Variants in GPC6 observed in about 807,000 individuals in gnomAD.
GPC6 encodes the protein glypican-6.
A neutral mutation model predicts 55.2 loss-of-function variants in GPC6; 14 were observed. The ratio of observed to expected loss-of-function variants is 0.25; its 90% CI spans 0.17 to 0.40. GPC6 has a LOEUF of 0.40. Ranked by LOEUF, GPC6 falls within the 10% of genes least tolerant of loss-of-function variation. The probability of loss-of-function intolerance (pLI) is 1.00; values close to 1 mark genes in which losing one functional copy is unlikely to be tolerated. For missense variants in GPC6, 641 were observed against 708.5 expected (o/e 0.90, Z 1.08); for synonymous variants, 278 against 259.6 (o/e 1.07, Z -0.68).
At chr13:93,332,813 C>T (rs184012540) in intron 1 of GPC6, among the ~76,000 whole-genome samples, 84 of 152,082 alleles carry the variant, frequency 5.5e-4, no homozygotes, top group African/African-American at 1.5e-3. Flanking sequence ...TTGTTTGTTT[C>T]GGTAGCTTCA....
chr13:93,967,464 C>A (rs753342432), intron 3 of GPC6, among the ~76,000 whole-genome samples: 1 of 152,146 alleles, frequency 6.6e-6, no homozygotes, highest in Non-Finnish European at 1.5e-5. Context: ...TTCCTACATG[C>A]TCATATTTGC....
chr13:94,373,685 C>T (rs1879696898), intron 6 of GPC6, among the ~76,000 whole-genome samples: 1 of 152,082 alleles, frequency 6.6e-6, no homozygotes, highest in Non-Finnish European at 1.5e-5. Flanking sequence ...CAAGGCAGGC[C>T]AACATTCACA....
At chr13:94,068,945 T>C (rs1371965782) in intron 4 of GPC6, among the ~76,000 whole-genome samples, 1 of 152,186 alleles carries the variant, frequency 6.6e-6, no homozygotes, top group African/African-American at 2.4e-5. Flanking sequence ...GGATCTACCA[T>C]TCTGGGGTCT....
intron 3 of GPC6, among the ~76,000 whole-genome samples, chr13:93,899,074 C>G (rs572819608): frequency 6.6e-6 from 1 of 151,482 alleles, no homozygotes; most frequent in South Asian, 2.1e-4. Flanking sequence ...TAAAAATGTG[C>G]TTTAATGACT....
intron 3 of GPC6, among the ~76,000 whole-genome samples, chr13:94,023,613 T>C (rs1882785931): frequency 6.6e-6 from 1 of 152,062 alleles, no homozygotes; most frequent in Non-Finnish European, 1.5e-5. Flanking sequence ...ATCCAGCAAT[T>C]GCACCCTTGG....
chr13:93,735,728 A>G (rs1418950882), intron 2 of GPC6, among the ~76,000 whole-genome samples: 1 of 152,174 alleles, frequency 6.6e-6, no homozygotes. Context: ...ACCTGTAACA[A>G]GGCTGCCTGA....
chr13:93,324,928 G>A (rs1218122688), intron 1 of GPC6, among the ~76,000 whole-genome samples: 4 of 151,992 alleles, frequency 2.6e-5, no homozygotes, highest in Non-Finnish European at 5.9e-5. Flanking sequence ...GGAATCAAAA[G>A]TGTTTTTTAC....
chr13:94,288,833 TA>T (rs1187231736), intron 5 of GPC6, among the ~76,000 whole-genome samples: 2 of 45,160 alleles, frequency 4.4e-5, no homozygotes, highest in African/African-American at 1.9e-4. Context: ...ATATATTTGT[TA>T]TATATAACAA....
At chr13:93,949,127 C>T (rs1879138278) in intron 3 of GPC6, among the ~76,000 whole-genome samples, 1 of 152,170 alleles carries the variant, frequency 6.6e-6, no homozygotes, top group Non-Finnish European at 1.5e-5. Flanking sequence ...GGCACTCTCC[C>T]TGGCTCAAAT....
chr13:94,014,529 T>C (rs1566288137), intron 3 of GPC6, among the ~76,000 whole-genome samples: 1 of 152,212 alleles, frequency 6.6e-6, no homozygotes, highest in Non-Finnish European at 1.5e-5. Context: ...ATACATTTTA[T>C]GTACTATAAA....
chr13:93,231,346 C>CATATATATATATATAT (rs1272629504), intron 1 of GPC6, among the ~76,000 whole-genome samples: 1 of 24,176 alleles, frequency 4.1e-5, no homozygotes, highest in Non-Finnish European at 8.0e-5. Flanking sequence ...TATATATATA[C>CATATATATATATATAT]ATATATATAT....
intron 1 of GPC6, among the ~76,000 whole-genome samples, chr13:93,486,959 A>G (rs1260847334): frequency 6.7e-6 from 1 of 150,016 alleles, no homozygotes; most frequent in African/African-American, 2.4e-5. Context: ...AAAAAAAAAC[A>G]AAAAAACCCC....
chr13:93,520,652 G>C (rs989803164), intron 1 of GPC6, among the ~76,000 whole-genome samples: 1 of 151,814 alleles, frequency 6.6e-6, no homozygotes, highest in Non-Finnish European at 1.5e-5. Context: ...TTCTTTAATA[G>C]CATGTTCTTT....
intron 3 of GPC6, among the ~76,000 whole-genome samples, chr13:93,984,463 A>G (rs1370157212): frequency 2.0e-5 from 3 of 152,182 alleles, no homozygotes; most frequent in African/African-American, 7.2e-5. Context: ...AAAGTTAGAA[A>G]ATTAATTCAT....
intron 2 of GPC6, among the ~76,000 whole-genome samples, chr13:93,595,993 A>G (rs190034907): frequency 6.6e-6 from 1 of 152,360 alleles, no homozygotes; most frequent in East Asian, 1.9e-4. Flanking sequence ...TTTTGGAAAC[A>G]GAGGGTAGAA....
intron 1 of GPC6, among the ~76,000 whole-genome samples, chr13:93,296,418 T>C (rs1235207926): frequency 6.6e-6 from 1 of 152,188 alleles, no homozygotes; most frequent in Non-Finnish European, 1.5e-5. Context: ...ATGTCCTACA[T>C]AGGTGCCTGG....
intron 4 of GPC6, among the ~76,000 whole-genome samples, chr13:94,163,570 T>G (rs1888244129): frequency 1.3e-5 from 2 of 152,232 alleles, no homozygotes. Context: ...GGTAGCTTTA[T>G]TCCCTATACT....
Position 93,235,431 on chromosome 13 carries a change from C to T in GPC6, c.160+7815C>T, listed in dbSNP as rs117266862. 8.4e-3 allele frequency among the ~76,000 whole-genome samples: 1,269 copies of T among 151,858 alleles called. 3 individuals are homozygous for T. Among genetic ancestry groups the T allele is most frequent in the Non-Finnish European group, 0.012 (846 of 67,962 alleles). Reference sequence around the variant, plus strand: ...GGTTCTTGGCAGAGAGGTGACATGACGAAAGTATTGTTTTGGATTAGGCAA... The same window carrying T: ...GGTTCTTGGCAGAGAGGTGACATGATGAAAGTATTGTTTTGGATTAGGCAA... On this transcript the variant is annotated intron_variant, in intron 1 of 8. Coordinates refer to ENST00000377047, the MANE Select transcript of GPC6 (RefSeq NM_005708.5).
intron 1 of GPC6, among the ~76,000 whole-genome samples, chr13:93,308,240 G>T (rs1878944954): frequency 2.0e-5 from 3 of 152,130 alleles, no homozygotes; most frequent in Admixed American, 6.5e-5. Context: ...AGCCGAGATT[G>T]CGCTACTGCA....
Sources: allele counts gnomAD v4.1 joint callset (sites outside exome capture counted in the v4.1 genomes callset), GRCh38; gene constraint gnomAD v4.1.1; transcripts MANE v1.5; gene names NCBI Gene and HGNC (gene_info 2026-07-23, HGNC 2026-07-21).